XKR4: variants seen among roughly 807,000 people sequenced by gnomAD.
XKR4 encodes XK-related protein 4.
Under a neutral mutation model 53.9 loss-of-function variants are expected in XKR4, and 12 were observed. That is an observed-to-expected ratio of 0.22 (90% CI 0.14 to 0.36). The LOEUF (loss-of-function observed/expected upper bound fraction) is 0.36, where lower values mean the gene tolerates loss of function less well. Ranked by LOEUF, XKR4 falls within the 10% of genes least tolerant of loss-of-function variation. The pLI is 1.00. For synonymous variants in XKR4, 354 were observed against 362.4 expected (o/e 0.98, Z 0.26); for missense variants, 799 against 859.5 (o/e 0.93, Z 0.88).
intron 1 of XKR4, among the ~76,000 whole-genome samples, chr8:55,193,476 G>T (rs894112278): frequency 2.0e-5 from 3 of 152,194 alleles, no homozygotes; most frequent in Admixed American, 1.3e-4. Flanking sequence ...CTGAGGCTGG[G>T]TCTCTCACTG....
intron 1 of XKR4, among the ~76,000 whole-genome samples, chr8:55,131,366 A>G (rs554203946): frequency 1.3e-5 from 2 of 152,208 alleles, no homozygotes; most frequent in Non-Finnish European, 2.9e-5. Context: ...GATCCTTCTC[A>G]TTCTAAACAC....
At chr8:55,429,418 G>A (rs1467090941) in intron 2 of XKR4, among the ~76,000 whole-genome samples, 2 of 151,948 alleles carry the variant, frequency 1.3e-5, no homozygotes, top group African/African-American at 4.8e-5. Context: ...AAAAAGAAAA[G>A]AAATATTGAG....
At chr8:55,408,449 A>G (rs894538689) in intron 2 of XKR4, among the ~76,000 whole-genome samples, 1 of 152,094 alleles carries the variant, frequency 6.6e-6, no homozygotes, top group African/African-American at 2.4e-5. Context: ...ATCATATCTC[A>G]AGATGTGGCC....
intron 2 of XKR4, among the ~76,000 whole-genome samples, chr8:55,385,785 C>A (rs928707655): frequency 2.0e-5 from 3 of 152,098 alleles, no homozygotes; most frequent in African/African-American, 7.2e-5. Flanking sequence ...CACTCATATG[C>A]AAATATTTTG....
At chr8:55,490,791 G>C (rs1330197578) in intron 2 of XKR4, among the ~76,000 whole-genome samples, 1 of 128,432 alleles carries the variant, frequency 7.8e-6, no homozygotes, top group African/African-American at 3.5e-5. Context: ...AAGTACTTTG[G>C]AGTATGTATA....
At chr8:55,339,085 A>C (rs1256455716) in intron 1 of XKR4, among the ~76,000 whole-genome samples, 1 of 152,236 alleles carries the variant, frequency 6.6e-6, no homozygotes, top group Non-Finnish European at 1.5e-5. Context: ...TGACTCAAAT[A>C]AAATTTTAAT....
At chr8:55,208,460 A>T (rs150802486) in intron 1 of XKR4, among the ~76,000 whole-genome samples, 324 of 151,958 alleles carry the variant, frequency 2.1e-3, no homozygotes, top group African/African-American at 7.4e-3. Context: ...TCATTGTTAT[A>T]GTTTGTTTTC....
chr8:55,457,206 G>A (rs1187152056), intron 2 of XKR4, among the ~76,000 whole-genome samples: 4 of 143,404 alleles, frequency 2.8e-5, no homozygotes, highest in Non-Finnish European at 4.5e-5. Flanking sequence ...GCAGTGGCAC[G>A]ATCTCTGCTC....
chr8:55,174,609 T>A (rs750013807), intron 1 of XKR4, among the ~76,000 whole-genome samples: 5 of 152,196 alleles, frequency 3.3e-5, no homozygotes, highest in Non-Finnish European at 5.9e-5. Context: ...CCTTCGTCCA[T>A]AGCTGAATGG....
intron 2 of XKR4, among the ~76,000 whole-genome samples, chr8:55,456,934 C>A (rs992264251): frequency 6.6e-6 from 1 of 151,724 alleles, no homozygotes; most frequent in African/African-American, 2.4e-5. Context: ...GCTCCACAAA[C>A]CTCAAATAGG....
chr8:55,403,071 A>G (rs1280342089), intron 2 of XKR4, among the ~76,000 whole-genome samples: 1 of 152,236 alleles, frequency 6.6e-6, no homozygotes, highest in African/African-American at 2.4e-5. Context: ...ACCTGGTTGT[A>G]GGTTGCTTTA....
At chr8:55,503,188 C>T (rs992341557) in intron 2 of XKR4, among the ~76,000 whole-genome samples, 1 of 151,690 alleles carries the variant, frequency 6.6e-6, no homozygotes, top group African/African-American at 2.4e-5. Context: ...TCTGTGATTC[C>T]ATACGAATTT....
intron 2 of XKR4, among the ~76,000 whole-genome samples, chr8:55,456,849 G>A (rs1805577317): frequency 6.6e-6 from 1 of 151,752 alleles, no homozygotes; most frequent in African/African-American, 2.4e-5. Flanking sequence ...AAGGGAAGGG[G>A]AAAATAATTT....
At chr8:55,481,699 G>GA (rs1585598767) in intron 2 of XKR4, among the ~76,000 whole-genome samples, 1 of 151,692 alleles carries the variant, frequency 6.6e-6, no homozygotes, top group African/African-American at 2.4e-5. Flanking sequence ...CAATTTACAA[G>GA]AAAAAAACAA....
At chr8:55,454,239 C>T in intron 2 of XKR4, 2 of 1,175,642 alleles carry the variant, frequency 1.7e-6, no homozygotes, top group South Asian at 2.4e-5. Flanking sequence ...GTCACCGTCT[C>T]TCCATCCAGA....
intron 2 of XKR4, chr8:55,453,960 A>T (rs1585582198): frequency 2.8e-6 from 2 of 703,520 alleles, no homozygotes; most frequent in East Asian, 6.4e-5. Context: ...ACCAGCCCAC[A>T]CTGGCCCAGG....
At chr8:55,322,340 AT>A (rs1222821020) in intron 1 of XKR4, among the ~76,000 whole-genome samples, 6 of 152,140 alleles carry the variant, frequency 3.9e-5, no homozygotes, top group Non-Finnish European at 7.4e-5. Flanking sequence ...GTCCATATGT[AT>A]TTGAATGTGT....
At chr8:55,162,445 T>G (rs1232656642) in intron 1 of XKR4, among the ~76,000 whole-genome samples, 1 of 152,220 alleles carries the variant, frequency 6.6e-6, no homozygotes, top group African/African-American at 2.4e-5. Context: ...CTATGTTTCT[T>G]AAATTCTTAA....
At chr8:55,344,215 T>A (rs1019251697) in intron 1 of XKR4, among the ~76,000 whole-genome samples, 2 of 152,204 alleles carry the variant, frequency 1.3e-5, no homozygotes, top group Non-Finnish European at 2.9e-5. Flanking sequence ...TTTTCAGTTA[T>A]CTTTTAAAAC....
Sources: allele counts gnomAD v4.1 joint callset (sites outside exome capture counted in the v4.1 genomes callset), GRCh38; gene constraint gnomAD v4.1.1; transcripts MANE v1.5; gene names NCBI Gene and HGNC (gene_info 2026-07-23, HGNC 2026-07-21).